CALN1: variants seen among roughly 807,000 people sequenced by gnomAD.
The protein encoded by CALN1 is calneuron 1.
Under a neutral mutation model 30.6 loss-of-function variants are expected in CALN1, and 17 were observed. The observed-to-expected ratio is 0.56, with a 90% confidence interval of 0.38 to 0.83. CALN1 has a LOEUF of 0.83. Among genes scored for constraint, CALN1 ranks in the 40% least tolerant of loss-of-function variants. CALN1 has a pLI of 0.00. For missense variants in CALN1, 291 were observed against 354.9 expected (o/e 0.82, Z 1.45); for synonymous variants, 156 against 131.4 (o/e 1.19, Z -1.28).
chr7:72,492,635 C>A, the CALN1 span, among the ~76,000 whole-genome samples: 1 of 152,248 alleles, frequency 6.6e-6, no homozygotes, highest in Admixed American at 6.5e-5. Flanking sequence ...ACCATGCCAA[C>A]CGCTGGGTCA....
chr7:72,411,835 T>C (rs1807178714), intron 1 of CALN1, among the ~76,000 whole-genome samples: 1 of 152,240 alleles, frequency 6.6e-6, no homozygotes, highest in Non-Finnish European at 1.5e-5. Flanking sequence ...ATTGTCCTGC[T>C]TTTTCCATAC....
At chr7:72,379,123 T>C (rs143860106) in intron 2 of CALN1, among the ~76,000 whole-genome samples, 1 of 152,172 alleles carries the variant, frequency 6.6e-6, no homozygotes, top group Non-Finnish European at 1.5e-5. Flanking sequence ...TTTGTGGCTG[T>C]GTTCATAAGT....
At chr7:71,930,295 G>A (rs547101214) in intron 5 of CALN1, among the ~76,000 whole-genome samples, 1 of 152,240 alleles carries the variant, frequency 6.6e-6, no homozygotes, top group African/African-American at 2.4e-5. Context: ...GACTCATTAT[G>A]GCTTTGATTT....
chr7:72,142,562 G>A (rs533402802), intron 3 of CALN1, among the ~76,000 whole-genome samples: 55 of 152,314 alleles, frequency 3.6e-4, no homozygotes, highest in South Asian at 1.9e-3. Context: ...GGGCATAGCC[G>A]AACAAAACGC....
At chr7:72,007,564 G>A (rs1584731507) in intron 5 of CALN1, among the ~76,000 whole-genome samples, 3 of 151,952 alleles carry the variant, frequency 2.0e-5, no homozygotes, top group South Asian at 2.1e-4. Flanking sequence ...AAAACAAAAC[G>A]AACAAAACAA....
chr7:72,157,498 T>C (rs1365286642), intron 3 of CALN1, among the ~76,000 whole-genome samples: 1 of 151,942 alleles, frequency 6.6e-6, no homozygotes, highest in Non-Finnish European at 1.5e-5. Flanking sequence ...GAAGGTGACA[T>C]TTCCACTGAA....
intron 4 of CALN1, among the ~76,000 whole-genome samples, chr7:72,058,285 G>C (rs903799335): frequency 2.1e-5 from 3 of 146,016 alleles, no homozygotes; most frequent in Non-Finnish European, 4.5e-5. Flanking sequence ...GCTGGGGGTT[G>C]CTACAAGCTG....
At position 72,180,285 on chromosome 7, in the gene CALN1, T is replaced by C. The variant is rs183850241; in HGVS notation, c.245-73991A>G. Among the ~76,000 whole-genome samples the C allele has an allele frequency of 1.1e-3, 165 of 152,298 alleles. 1 individual carries two copies. Among genetic ancestry groups the C allele is most frequent in the Middle Eastern group, 0.01 (3 of 294 alleles). On this transcript the variant is annotated intron_variant, in intron 3 of 6. Transcript: ENST00000395275. ...GCTGTGAGCTTCAGGTTGTACTACA[T>C]TGGGACCCCACCCTACCTAGATATG...
At chr7:72,448,614 T>C (rs958929028), upstream of CALN1, among the ~76,000 whole-genome samples, 8 of 140,474 alleles carry the variant, frequency 5.7e-5, no homozygotes, top group African/African-American at 2.2e-4. Flanking sequence ...TTGCGTGATC[T>C]TTTTTTTTTT....
At chr7:72,026,588 A>T (rs894568918) in intron 4 of CALN1, among the ~76,000 whole-genome samples, 3 of 131,074 alleles carry the variant, frequency 2.3e-5, no homozygotes, top group Non-Finnish European at 5.5e-5. Context: ...CTGTCTGGGG[A>T]AAAAAAAAAT....
chr7:72,025,460 G>C (rs1209513460), intron 4 of CALN1, among the ~76,000 whole-genome samples: 1 of 152,218 alleles, frequency 6.6e-6, no homozygotes, highest in Non-Finnish European at 1.5e-5. Context: ...CACCAAAGCA[G>C]GCATTCAGTA....
At chr7:72,239,240 AT>A (rs1462653434) in intron 3 of CALN1, among the ~76,000 whole-genome samples, 1 of 152,142 alleles carries the variant, frequency 6.6e-6, no homozygotes, top group African/African-American at 2.4e-5. Flanking sequence ...TTCCAAAAAA[AT>A]AAATAAATTA....
chr7:72,157,576 A>T lies in CALN1; in HGVS notation c.245-51282T>A, dbSNP rs553063076. Among the ~76,000 whole-genome samples, 3 of 149,698 alleles carry T rather than the reference A, an allele frequency of 2.0e-5. No individual in the cohort carries two copies. The East Asian group carries it at 5.9e-4, about 29-fold the overall frequency. On this transcript the variant is annotated intron_variant, in intron 3 of 6. Transcript: ENST00000395275. ...AAAAAGACTTTTAGGAAGACAGGGG[A>T]AAAAAAAAACAGGGTATTTTTGAAA... is the stretch of plus-strand genomic sequence containing the variant.
At chr7:72,487,230 C>T in the CALN1 span, among the ~76,000 whole-genome samples, 2 of 152,060 alleles carry the variant, frequency 1.3e-5, no homozygotes, top group Admixed American at 6.6e-5. Flanking sequence ...TGGGGCTAAA[C>T]AGTTGGCGAG....
intron 5 of CALN1, among the ~76,000 whole-genome samples, chr7:71,878,315 T>C (rs1792367399): frequency 6.6e-6 from 1 of 151,894 alleles, no homozygotes; most frequent in African/African-American, 2.4e-5. Context: ...GGCAGGAGAA[T>C]TGCCTGAACC....
intron 5 of CALN1, among the ~76,000 whole-genome samples, chr7:71,843,825 C>T (rs1480941368): frequency 1.3e-5 from 2 of 152,198 alleles, no homozygotes; most frequent in Admixed American, 6.5e-5. Flanking sequence ...ATGTTAATTT[C>T]CTCCCCTGTG....
intron 5 of CALN1, among the ~76,000 whole-genome samples, chr7:71,823,675 A>G (rs1026377617): frequency 3.3e-5 from 5 of 151,984 alleles, no homozygotes; most frequent in African/African-American, 7.3e-5. Context: ...CCGAGATTGC[A>G]CCACTGCACT....
chr7:72,091,031 T>C (rs115897813), intron 4 of CALN1, among the ~76,000 whole-genome samples: 5 of 152,024 alleles, frequency 3.3e-5, no homozygotes, highest in African/African-American at 1.2e-4. Flanking sequence ...TGATTATTAT[T>C]AACAGTAATT....
chr7:72,368,742 T>TAAGCCA (rs1282111094), intron 2 of CALN1, among the ~76,000 whole-genome samples: 1 of 149,240 alleles, frequency 6.7e-6, no homozygotes, highest in East Asian at 2.0e-4. Flanking sequence ...ACTTCAACCA[T>TAAGCCA]AAGCCAAAGC....
Sources: allele counts gnomAD v4.1 joint callset (sites outside exome capture counted in the v4.1 genomes callset), GRCh38; gene constraint gnomAD v4.1.1; transcripts MANE v1.5; gene names NCBI Gene and HGNC (gene_info 2026-07-23, HGNC 2026-07-21).